Variants in HM13 observed in about 807,000 individuals in gnomAD.
HM13 encodes signal peptide peptidase.
A neutral mutation model predicts 50.0 loss-of-function variants in HM13; 18 were observed. The ratio of observed to expected loss-of-function variants is 0.36; its 90% CI spans 0.25 to 0.53. The LOEUF (loss-of-function observed/expected upper bound fraction) is 0.53, where lower values mean the gene tolerates loss of function less well. HM13 is among the 20% of genes least tolerant of loss of function. HM13 has a pLI of 0.90. For missense variants in HM13, 393 were observed against 552.4 expected (o/e 0.71, Z 2.89); for synonymous variants, 197 against 232.6 (o/e 0.85, Z 1.39).
chr20:31,514,844 G>T lies in HM13; in HGVS notation c.183+110G>T. On this transcript the variant is annotated intron_variant, in intron 1 of 12. Transcript: ENST00000398174. The surrounding 1 kb of genome is among the most constrained non-coding windows in gnomAD (Gnocchi z 4.3). ...TCTCCCCGGACACTGACTCTTCCCA[G>T]CCCTGATCACCACCGTTCCCTCTGT... 9.3e-7 allele frequency: 1 copy of T among 1,076,852 alleles called. No homozygotes were observed. Among genetic ancestry groups the T allele is most frequent in the Non-Finnish European group, 1.3e-6 (1 of 778,930 alleles). The allele number at this position is 1,076,852 out of a possible 1,614,324, so 66.7% of individuals were successfully genotyped here. A position where few individuals can be genotyped will look rare whatever the true frequency, so the allele number is the denominator to read the frequency against.
intron 2 of HM13, among the ~76,000 whole-genome samples, chr20:31,533,252 C>T (rs911064652): frequency 3.3e-5 from 5 of 152,202 alleles, no homozygotes; most frequent in African/African-American, 1.2e-4. Context: ...CCTGTAATCC[C>T]AACGCTTTGG....
At chr20:31,533,397 T>C (rs1982929069) in intron 2 of HM13, among the ~76,000 whole-genome samples, 2 of 152,160 alleles carry the variant, frequency 1.3e-5, no homozygotes, top group African/African-American at 4.8e-5. Flanking sequence ...CCCAGCTACT[T>C]GGGAGGCTGA....
intron 3 of HM13, chr20:31,538,851 C>G (rs375969033): frequency 4.8e-6 from 1 of 209,784 alleles, no homozygotes; most frequent in African/African-American, 2.4e-5. Flanking sequence ...AGCACAGTAT[C>G]TGGTGATTTA....
intron 2 of HM13, among the ~76,000 whole-genome samples, chr20:31,532,565 T>C (rs1407028432): frequency 6.6e-6 from 1 of 150,844 alleles, no homozygotes; most frequent in Non-Finnish European, 1.5e-5. Flanking sequence ...CACCTTCATT[T>C]CTCTCTCTGC....
In HM13 at chr20:31,568,213, TC is replaced by T. The variant is rs1197420071; in HGVS notation, c.1173del (p.Ser392AlafsTer15). On this transcript the variant is annotated frameshift_variant, in exon 12 of 13. Coordinates refer to ENST00000398174, the MANE Select transcript of HM13 (RefSeq NM_178581.3). LOFTEE classifies it high-confidence loss of function. ...AGPRRRRPQNPSAIYEESNPK... is the reference protein window; with the variant it reads ...AGPRRRRPQNXSAIYEESNPK... ...GCCCTCGCCGCCGGCGCCCGCAGAA[TC>T]CCAGCGCCATGTAATGCCCAGCGGG... 5 of 1,612,510 alleles carry T rather than the reference TC, an allele frequency of 3.1e-6. No individual in the cohort carries two copies. Among genetic ancestry groups the T allele is most frequent in the South Asian group, 2.2e-5 (2 of 90,962 alleles).
intron 8 of HM13, among the ~76,000 whole-genome samples, chr20:31,556,035 CCT>C: frequency 7.4e-6 from 1 of 135,254 alleles, no homozygotes; most frequent in South Asian, 2.1e-4. Context: ...TATTATTTCT[CCT>C]TTTTTTTTTT....
chr20:31,556,882 A>C (rs1374556255), intron 8 of HM13, among the ~76,000 whole-genome samples: 1 of 151,848 alleles, frequency 6.6e-6, no homozygotes, highest in Non-Finnish European at 1.5e-5. Context: ...AGCCAGGCGT[A>C]GTGGCGGGCG....
At chr20:31,559,674 A>G (rs777348239) in intron 9 of HM13, 27 bp downstream of exon 9, 1 of 1,612,860 alleles carries the variant, frequency 6.2e-7, no homozygotes, top group South Asian at 1.1e-5. Context: ...CTGCCCCAGC[A>G]TGGGCTTCTC....
chr20:31,552,288 G>A (rs1984075406), intron 7 of HM13, among the ~76,000 whole-genome samples: 2 of 152,124 alleles, frequency 1.3e-5, no homozygotes. Flanking sequence ...TACAGCTTCA[G>A]CAAAGGGCTG....
rs561314602 is a variant in HM13 at position 31,568,306 on chromosome 20, G to A, written c.1181+82G>A. 2.4e-5 allele frequency: 37 copies of A among 1,541,002 alleles called. No individual in the cohort carries two copies. The African/African-American group carries it at 4.9e-4, about 20-fold the overall frequency. On this transcript the variant is annotated intron_variant, in intron 12 of 12. Transcript: ENST00000398174. The stretch of plus-strand genomic sequence containing the variant: ...GTAGGGCAGACACTGCAGCTCCAGT[G>A]CATAGGGCAGGGACCATTGCCAGGA...
At chr20:31,539,192 A>C in intron 3 of HM13, 1 of 985,464 alleles carries the variant, frequency 1.0e-6, no homozygotes, top group Non-Finnish European at 1.2e-6. Flanking sequence ...GGACTATCCC[A>C]TGTATTACAA....
Position 31,514,625 on chromosome 20 carries a change from C to A in HM13, c.74C>A (p.Pro25Gln). The A allele has an allele frequency of 6.3e-7, 1 of 1,586,724 alleles. No homozygotes were observed. Among genetic ancestry groups the A allele is most frequent in the East Asian group, 2.3e-5 (1 of 43,598 alleles). ...GGCCCCACCAACAGCACTACGCGGC[C>A]GCCTTCCACGCCCGAGGGCATCGCG... is the stretch of plus-strand genomic sequence containing the variant. ...AGGPTNSTTR[P>Q]PSTPEGIALA... Residue 25 changes from proline to glutamine, a missense_variant, in exon 1 of 13, where the codon CCG becomes CAG. Physicochemically the swap from Pro to Gln is moderately conservative, Grantham distance 76. Coordinates refer to ENST00000398174, the MANE Select transcript of HM13 (RefSeq NM_178581.3). The surrounding 1 kb of genome is among the most constrained non-coding windows in gnomAD (Gnocchi z 4.3).
chr20:31,555,053 CTG>C (rs1227841047), intron 8 of HM13, among the ~76,000 whole-genome samples: 2 of 152,230 alleles, frequency 1.3e-5, no homozygotes, highest in African/African-American at 4.8e-5. Context: ...GTGAACAAGA[CTG>C]TCTTCACAGA....
chr20:31,517,040 A>G (rs1202567863), intron 1 of HM13, among the ~76,000 whole-genome samples: 10 of 152,162 alleles, frequency 6.6e-5, no homozygotes, highest in African/African-American at 2.4e-4. Context: ...ACCTTTAAAG[A>G]CAAGCAGCAT....
chr20:31,517,071 G>A (rs1183196487), intron 1 of HM13, among the ~76,000 whole-genome samples: 14 of 152,240 alleles, frequency 9.2e-5, no homozygotes, highest in Non-Finnish European at 1.5e-4. Flanking sequence ...AAAGGACAGG[G>A]CAAATGACTC....
intron 4 of HM13, among the ~76,000 whole-genome samples, chr20:31,545,748 A>G (rs1232137272): frequency 6.6e-6 from 1 of 152,210 alleles, no homozygotes; most frequent in Non-Finnish European, 1.5e-5. Context: ...GTTTTTTGAG[A>G]CAGAGTCTTG....
intron 1 of HM13, among the ~76,000 whole-genome samples, chr20:31,523,113 C>G (rs557866438): frequency 6.6e-6 from 1 of 150,698 alleles, no homozygotes; most frequent in African/African-American, 2.5e-5. Flanking sequence ...TTCAGTGGCA[C>G]GATCCCCACT....
In HM13 at chr20:31,549,011, C is replaced by T; in HGVS notation, c.455-18C>T. On this transcript the variant is annotated intron_variant, in intron 4 of 12. Transcript: ENST00000398174. ...AGCCCTGCCTCAGGGAGTGGACTTACCTGGCCTCTCTGCTCAGAGATCATC... is the reference window on the plus strand; with the variant it reads ...AGCCCTGCCTCAGGGAGTGGACTTATCTGGCCTCTCTGCTCAGAGATCATC... The T allele has an allele frequency of 6.2e-7, 1 of 1,612,352 alleles. No individual in the cohort carries two copies. The highest frequency in any genetic ancestry group is 1.1e-5 in the South Asian group (1 of 91,044).
At chr20:31,558,088 G>A (rs1293679728) in intron 8 of HM13, among the ~76,000 whole-genome samples, 2 of 152,252 alleles carry the variant, frequency 1.3e-5, no homozygotes, top group African/African-American at 4.8e-5. Flanking sequence ...CACACAGGGT[G>A]TGCGTATAGC....
Sources: gnomAD v4.1 joint callset for allele counts (sites outside exome capture counted in the v4.1 genomes callset) on GRCh38, gnomAD v4.1.1 for gene constraint, Gnocchi (gnomAD v3.1) non-coding constraint, MANE v1.5 for transcripts, NCBI Gene and HGNC (gene_info 2026-07-23, HGNC 2026-07-21) for gene names.